The following DRC11 variants were observed in gnomAD, a reference collection of about 807,000 sequenced individuals.
DRC11 encodes the protein dynein regulatory complex subunit 11.
At chr2:236,370,802 T>G in the DRC11 span, among the ~76,000 whole-genome samples, 12 of 4,244 alleles carry the variant, frequency 2.8e-3, no homozygotes, top group South Asian at 0.013. This position sits in a 1 kb window ranked among gnomAD's most constrained non-coding sequence, Gnocchi z 5.5. Context: ...AGCAGTGGGG[T>G]GGGTGGTGGG....
At chr2:236,349,365 C>G in the DRC11 span, among the ~76,000 whole-genome samples, 1 of 152,232 alleles carries the variant, frequency 6.6e-6, no homozygotes, top group South Asian at 2.1e-4. This position sits in a 1 kb window ranked among gnomAD's most constrained non-coding sequence, Gnocchi z 5.5. Context: ...GTTTATACTT[C>G]GTAAAGATAA....
At chr2:236,432,484 T>C in the DRC11 span, among the ~76,000 whole-genome samples, 2 of 152,196 alleles carry the variant, frequency 1.3e-5, no homozygotes, top group Admixed American at 6.5e-5. Context: ...ATTTCTCTTA[T>C]ATGTGTGAGG....
At chr2:236,415,358 C>T in the DRC11 span, among the ~76,000 whole-genome samples, 5 of 152,170 alleles carry the variant, frequency 3.3e-5, no homozygotes, top group African/African-American at 1.2e-4. The surrounding 1 kb of genome is among the most constrained non-coding windows in gnomAD (Gnocchi z 5.7). Context: ...ATTTTCCTCT[C>T]TCTTCTCCCT....
At chr2:236,371,630 A>G in the DRC11 span, among the ~76,000 whole-genome samples, 9 of 152,144 alleles carry the variant, frequency 5.9e-5, no homozygotes, top group African/African-American at 2.2e-4. The surrounding 1 kb of genome is among the most constrained non-coding windows in gnomAD (Gnocchi z 5.1). Context: ...TTTTATGGGT[A>G]TATAGAGAAT....
the DRC11 span, among the ~76,000 whole-genome samples, chr2:236,371,727 CA>C: frequency 6.6e-6 from 1 of 152,112 alleles, no homozygotes; most frequent in South Asian, 2.1e-4. This position sits in a 1 kb window ranked among gnomAD's most constrained non-coding sequence, Gnocchi z 5.1. Flanking sequence ...AGGAAGGGCT[CA>C]GGGGGAAAAC....
the DRC11 span, among the ~76,000 whole-genome samples, chr2:236,362,677 CCT>C: frequency 6.6e-6 from 1 of 152,052 alleles, no homozygotes; most frequent in African/African-American, 2.4e-5. This position sits in a 1 kb window ranked among gnomAD's most constrained non-coding sequence, Gnocchi z 5.7. Context: ...CGCCCCAACC[CCT>C]GTGTTGTTCA....
the DRC11 span, among the ~76,000 whole-genome samples, chr2:236,379,330 GGGAACCCCCAAAC>G: frequency 5.9e-4 from 56 of 95,304 alleles, no homozygotes; most frequent in Non-Finnish European, 6.7e-4. Context: ...ACCAAGGGGA[GGGAACCCCCAAAC>G]AGGGGAGCGA....
the DRC11 span, among the ~76,000 whole-genome samples, chr2:236,316,475 AC>A: frequency 6.6e-6 from 1 of 152,124 alleles, no homozygotes; most frequent in Non-Finnish European, 1.5e-5. This position sits in a 1 kb window ranked among gnomAD's most constrained non-coding sequence, Gnocchi z 6.8. Context: ...ATTAAAAGAC[AC>A]CATTATGACA....
the DRC11 span, among the ~76,000 whole-genome samples, chr2:236,422,110 A>G: frequency 3.9e-5 from 6 of 152,156 alleles, 1 homozygote; most frequent in South Asian, 4.1e-4. Context: ...ATACTGAATG[A>G]GCAAAAACTG....
At chr2:236,398,232 A>C in the DRC11 span, among the ~76,000 whole-genome samples, 3 of 152,172 alleles carry the variant, frequency 2.0e-5, no homozygotes, top group Non-Finnish European at 2.9e-5. This position sits in a 1 kb window ranked among gnomAD's most constrained non-coding sequence, Gnocchi z 6.2. Flanking sequence ...AAATCCTGCC[A>C]GTGTCATCGT....
the DRC11 span, among the ~76,000 whole-genome samples, chr2:236,485,183 T>C: frequency 6.6e-6 from 1 of 152,132 alleles, no homozygotes; most frequent in Non-Finnish European, 1.5e-5. Flanking sequence ...TAATAGTTTT[T>C]AACCTGCTAG....
the DRC11 span, among the ~76,000 whole-genome samples, chr2:236,404,470 CAA>C: frequency 6.6e-6 from 1 of 152,166 alleles, no homozygotes; most frequent in Non-Finnish European, 1.5e-5. Context: ...CCCCATCGCT[CAA>C]AAGAGATTTC....
At chr2:236,388,606 A>G in the DRC11 span, among the ~76,000 whole-genome samples, 3 of 143,612 alleles carry the variant, frequency 2.1e-5, no homozygotes, top group South Asian at 2.3e-4. Flanking sequence ...CTTTGGTTTG[A>G]ATGTCCTCCC....
the DRC11 span, among the ~76,000 whole-genome samples, chr2:236,481,609 T>C: frequency 6.6e-6 from 1 of 152,162 alleles, no homozygotes; most frequent in African/African-American, 2.4e-5. Flanking sequence ...TGAGCTGCTT[T>C]TACTTTTAAA....
At chr2:236,493,905 T>TA in the DRC11 span, 26 of 1,571,858 alleles carry the variant, frequency 1.7e-5, no homozygotes, top group East Asian at 5.4e-4. Flanking sequence ...AGAGAAAGAA[T>TA]AAAAAAGAGT....
the DRC11 span, among the ~76,000 whole-genome samples, chr2:236,457,551 A>G: frequency 1.3e-5 from 2 of 152,258 alleles, no homozygotes; most frequent in Non-Finnish European, 2.9e-5. This position sits in a 1 kb window ranked among gnomAD's most constrained non-coding sequence, Gnocchi z 4.7. Flanking sequence ...GCTAATCCCC[A>G]GGGTCTGTAA....
chr2:236,331,463 G>A, the DRC11 span: 1 of 1,613,966 alleles, frequency 6.2e-7, no homozygotes, highest in Non-Finnish European at 8.5e-7. The surrounding 1 kb of genome is among the most constrained non-coding windows in gnomAD (Gnocchi z 4.8). Flanking sequence ...CGGATTCTCT[G>A]ATCTGTGAGC....
chr2:236,348,965 G>T, the DRC11 span, among the ~76,000 whole-genome samples: 3 of 152,006 alleles, frequency 2.0e-5, no homozygotes, highest in Non-Finnish European at 4.4e-5. This position sits in a 1 kb window ranked among gnomAD's most constrained non-coding sequence, Gnocchi z 7.4. Flanking sequence ...CCCACATGGT[G>T]CCTGCCTACT....
chr2:236,499,833 A>G, the DRC11 span, among the ~76,000 whole-genome samples: 98 of 152,302 alleles, frequency 6.4e-4, no homozygotes, highest in Admixed American at 2.5e-3. The surrounding 1 kb of genome is among the most constrained non-coding windows in gnomAD (Gnocchi z 4.7). Flanking sequence ...CAGGAGGAAG[A>G]GGAGATAAGT....
Sources: allele counts gnomAD v4.1 joint callset (sites outside exome capture counted in the v4.1 genomes callset), GRCh38; gene constraint gnomAD v4.1.1; non-coding constraint Gnocchi (gnomAD v3.1); transcripts MANE v1.5; gene names NCBI Gene and HGNC (gene_info 2026-07-23, HGNC 2026-07-21).